The following GALNT7 variants were observed in gnomAD, a reference collection of about 807,000 sequenced individuals.
GALNT7 encodes N-acetylgalactosaminyltransferase 7.
In GALNT7, 60 loss-of-function variants were observed where a neutral mutation model predicts 82.1. That is an observed-to-expected ratio of 0.73 (90% CI 0.59 to 0.91). The LOEUF is 0.91. Among genes scored for constraint, GALNT7 ranks in the 40% least tolerant of loss-of-function variants. The pLI, the probability that GALNT7 is intolerant of heterozygous loss-of-function variation, is 0.00. For synonymous variants in GALNT7, 243 were observed against 275.1 expected (o/e 0.88, Z 1.15); for missense variants, 660 against 804.2 (o/e 0.82, Z 2.17).
intron 1 of GALNT7, among the ~76,000 whole-genome samples, chr4:173,243,313 T>A (rs1734497081): frequency 6.6e-6 from 1 of 152,238 alleles, no homozygotes; most frequent in Non-Finnish European, 1.5e-5. Context: ...TGACCTTACT[T>A]CTGGTAATCC....
chr4:173,272,700 T>C (rs921527703), intron 2 of GALNT7, among the ~76,000 whole-genome samples: 1 of 152,226 alleles, frequency 6.6e-6, no homozygotes, highest in Non-Finnish European at 1.5e-5. Flanking sequence ...ATTTTCTCCT[T>C]TACAACGTTT....
At chr4:173,303,486 T>G (rs1344900611) in intron 7 of GALNT7, among the ~76,000 whole-genome samples, 2 of 152,214 alleles carry the variant, frequency 1.3e-5, no homozygotes, top group Admixed American at 6.5e-5. Context: ...TAAGAGATTT[T>G]TATTTAATTT....
intron 2 of GALNT7, among the ~76,000 whole-genome samples, chr4:173,272,010 G>A (rs762022625): frequency 1.3e-5 from 2 of 152,066 alleles, no homozygotes; most frequent in African/African-American, 4.8e-5. Context: ...TGAGGAACCC[G>A]CTTATGGCTC....
intron 5 of GALNT7, chr4:173,297,895 TG>T: frequency 1.3e-6 from 2 of 1,506,750 alleles, no homozygotes; most frequent in Admixed American, 2.3e-5. Context: ...CAGAGGGGCC[TG>T]GGACTGGAGT....
At chr4:173,189,289 T>C (rs1345441011) in intron 1 of GALNT7, among the ~76,000 whole-genome samples, 3 of 152,240 alleles carry the variant, frequency 2.0e-5, no homozygotes, top group Non-Finnish European at 4.4e-5. Context: ...TCTTGCTACA[T>C]TGCCACAGAG....
At chr4:173,216,207 C>G (rs1026857929) in intron 1 of GALNT7, among the ~76,000 whole-genome samples, 2 of 152,190 alleles carry the variant, frequency 1.3e-5, no homozygotes, top group African/African-American at 2.4e-5. Flanking sequence ...TCACCCTTTT[C>G]TCTTTTAATA....
chr4:173,236,762 C>G (rs1000770699), intron 1 of GALNT7, among the ~76,000 whole-genome samples: 1 of 152,232 alleles, frequency 6.6e-6, no homozygotes, highest in Non-Finnish European at 1.5e-5. Context: ...CTCAGGCATT[C>G]CCTTCCTCCA....
At chr4:173,239,126 C>T (rs1236948754) in intron 1 of GALNT7, among the ~76,000 whole-genome samples, 1 of 152,158 alleles carries the variant, frequency 6.6e-6, no homozygotes, top group Non-Finnish European at 1.5e-5. Flanking sequence ...ATAAAGTACT[C>T]ATTTTCCTTG....
chr4:173,194,523 CTAA>C (rs1561149199), intron 1 of GALNT7, among the ~76,000 whole-genome samples: 1 of 152,164 alleles, frequency 6.6e-6, no homozygotes, highest in Non-Finnish European at 1.5e-5. Flanking sequence ...ATGAAGTTTA[CTAA>C]TAATAAAATG....
intron 8 of GALNT7, among the ~76,000 whole-genome samples, chr4:173,310,213 A>G (rs1212350814): frequency 6.6e-6 from 1 of 152,222 alleles, no homozygotes; most frequent in African/African-American, 2.4e-5. Context: ...TCCACTCAAC[A>G]GAAGTCAAAA....
In GALNT7 at chr4:173,193,504, C is replaced by T. The variant is rs139515304; in HGVS notation, c.126+24543C>T. Among the ~76,000 whole-genome samples, 757 of 152,076 alleles carry T rather than the reference C, an allele frequency of 5.0e-3. 8 individuals are homozygous for T. The highest frequency in any genetic ancestry group is 0.018 in the African/African-American group (728 of 41,496). On this transcript the variant is annotated intron_variant, in intron 1 of 11. Coordinates refer to ENST00000265000, the MANE Select transcript of GALNT7 (RefSeq NM_017423.3). ...ACCCCAACTTTATTTTTTTTAAAGG[C>T]GTTACATTCACAGAAGACAAAGCAT...
rs892505126 is a variant in GALNT7 at position 173,184,535 on chromosome 4, C to A, written c.126+15574C>A. 4.1e-5 allele frequency among the ~76,000 whole-genome samples: 6 copies of A among 147,038 alleles called. 1 individual carries two copies. The highest frequency in any genetic ancestry group is 1.5e-4 in the African/African-American group (6 of 39,876). ...ATCAGGCAGGGAGATTGCAGTGGGT[C>A]GAGATGGCGGCAGTACAGTCCAGCC... On this transcript the variant is annotated intron_variant, in intron 1 of 11. Transcript: ENST00000265000.
At chr4:173,283,690 CCTGTACAGGGG>C (rs1427893820) in intron 2 of GALNT7, among the ~76,000 whole-genome samples, 1 of 151,798 alleles carries the variant, frequency 6.6e-6, no homozygotes, top group Non-Finnish European at 1.5e-5. Context: ...GGTTAGGAAC[CCTGTACAGGGG>C]CTGTGTAGAC....
chr4:173,300,425 T>C (rs1213955051), intron 6 of GALNT7, among the ~76,000 whole-genome samples: 2 of 152,282 alleles, frequency 1.3e-5, no homozygotes, highest in East Asian at 3.9e-4. Flanking sequence ...TATGGAAAGA[T>C]GAACCTAATC....
chr4:173,243,377 T>C (rs1197702646), intron 1 of GALNT7, among the ~76,000 whole-genome samples: 1 of 152,230 alleles, frequency 6.6e-6, no homozygotes, highest in Admixed American at 6.5e-5. Flanking sequence ...TCCACCTTTA[T>C]GAACATACTG....
chr4:173,198,283 T>C (rs1485441372), intron 1 of GALNT7, among the ~76,000 whole-genome samples: 2 of 150,282 alleles, frequency 1.3e-5, no homozygotes, highest in Non-Finnish European at 3.0e-5. Context: ...TTAGCCAGGA[T>C]AGTCTCGATC....
intron 1 of GALNT7, among the ~76,000 whole-genome samples, chr4:173,227,129 C>T (rs1427283749): frequency 2.0e-5 from 3 of 152,006 alleles, no homozygotes; most frequent in Non-Finnish European, 4.4e-5. Flanking sequence ...TCCTTGCTTC[C>T]AATTTACCAT....
chr4:173,266,278 G>A (rs908488657), intron 2 of GALNT7, among the ~76,000 whole-genome samples: 2 of 152,112 alleles, frequency 1.3e-5, no homozygotes, highest in Admixed American at 6.5e-5. Context: ...AAAAGAAAAA[G>A]AAAAGAAAAG....
At chr4:173,233,507 A>G (rs1445117964) in intron 1 of GALNT7, among the ~76,000 whole-genome samples, 3 of 152,204 alleles carry the variant, frequency 2.0e-5, no homozygotes, top group African/African-American at 7.2e-5. Context: ...ATTTTTTCAT[A>G]TATCTGCAGT....
Sources: allele counts gnomAD v4.1 joint callset (sites outside exome capture counted in the v4.1 genomes callset), GRCh38; gene constraint gnomAD v4.1.1; transcripts MANE v1.5; gene names NCBI Gene and HGNC (gene_info 2026-07-23, HGNC 2026-07-21).